RBPJ: variants seen among roughly 807,000 people sequenced by gnomAD.
RBPJ encodes recombining binding protein suppressor of hairless.
RBPJ carries 9 observed loss-of-function variants against 67.8 expected under a neutral mutation model. The ratio of observed to expected loss-of-function variants is 0.13; its 90% confidence interval spans 0.08 to 0.23. RBPJ has a LOEUF of 0.23. Ranked by LOEUF, RBPJ falls within the 10% of genes least tolerant of loss-of-function variation. RBPJ has a pLI of 1.00. For synonymous variants in RBPJ, 198 were observed against 203.3 expected (o/e 0.97, Z 0.22); for missense variants, 305 against 595.6 (o/e 0.51, Z 5.08).
intron 1 of RBPJ, among the ~76,000 whole-genome samples, chr4:26,307,879 A>G (rs1722288225): frequency 6.6e-6 from 1 of 152,254 alleles, no homozygotes; most frequent in Non-Finnish European, 1.5e-5. Flanking sequence ...ATAGGATGCT[A>G]ATCATGACAG....
At chr4:26,331,041 G>A (rs1048519717) in intron 1 of RBPJ, among the ~76,000 whole-genome samples, 2 of 152,138 alleles carry the variant, frequency 1.3e-5, no homozygotes, top group African/African-American at 2.4e-5. Context: ...GTTAGATAAT[G>A]GCTGAGACAC....
Position 26,234,435 on chromosome 4 carries a change from G to C in RBPJ, c.-167+70821G>C, listed in dbSNP as rs372821329. On this transcript the variant is annotated intron_variant, in intron 1 of 4. Transcript: ENST00000512351. ...TAAACATATAAGCCTGAAAGAACCA[G>C]AGAATGATTCCGTAGTAATACTAAA... 2.0e-5 allele frequency among the ~76,000 whole-genome samples: 3 copies of C among 152,106 alleles called. 1 individual carries two copies. The East Asian group carries it at 5.8e-4, about 29-fold the overall frequency.
chr4:26,423,769 T>C (rs1284670182), intron 5 of RBPJ, among the ~76,000 whole-genome samples: 2 of 152,230 alleles, frequency 1.3e-5, no homozygotes, highest in Admixed American at 1.3e-4. Context: ...CAATACTTTA[T>C]TTAGAAGAAA....
At chr4:26,394,380 A>G (rs1051575761) in intron 2 of RBPJ, among the ~76,000 whole-genome samples, 9 of 152,040 alleles carry the variant, frequency 5.9e-5, no homozygotes, top group South Asian at 4.2e-4. Flanking sequence ...GATGTATATG[A>G]TAGGAATAGA....
At chr4:26,171,583 A>C (rs1297528241) in intron 1 of RBPJ, among the ~76,000 whole-genome samples, 2 of 152,198 alleles carry the variant, frequency 1.3e-5, no homozygotes, top group Non-Finnish European at 2.9e-5. Context: ...AGAAATGTAT[A>C]GTTAGCATAA....
intron 1 of RBPJ, among the ~76,000 whole-genome samples, chr4:26,291,331 T>G (rs1191793879): frequency 6.7e-6 from 1 of 148,946 alleles, no homozygotes; most frequent in African/African-American, 2.5e-5. Context: ...TTAATTTTCA[T>G]GGCATAGAGA....
At chr4:26,251,847 C>CAAAAAAA (rs769291407) in intron 1 of RBPJ, among the ~76,000 whole-genome samples, 5 of 49,458 alleles carry the variant, frequency 1.0e-4, no homozygotes, top group Non-Finnish European at 1.4e-4. Flanking sequence ...GACTCCGTCT[C>CAAAAAAA]AAAAAAAAAA....
chr4:26,267,334 C>T (rs1720736115), intron 1 of RBPJ, among the ~76,000 whole-genome samples: 1 of 152,064 alleles, frequency 6.6e-6, no homozygotes, highest in African/African-American at 2.4e-5. Flanking sequence ...AACAGACTCC[C>T]AATTTAGGAA....
At chr4:26,252,225 C>T (rs73245745) in intron 1 of RBPJ, among the ~76,000 whole-genome samples, 14,512 of 151,906 alleles carry the variant, frequency 0.096, 957 homozygotes, top group Middle Eastern at 0.17. Flanking sequence ...CATCATCCAC[C>T]GCCCTCCCAC....
chr4:26,299,264 A>G (rs1020700552), intron 1 of RBPJ, among the ~76,000 whole-genome samples: 1 of 152,234 alleles, frequency 6.6e-6, no homozygotes, highest in African/African-American at 2.4e-5. Context: ...TGGTTTACAA[A>G]TTCATCAACT....
chr4:26,146,446 G>A, the RBPJ span, among the ~76,000 whole-genome samples: 2 of 152,166 alleles, frequency 1.3e-5, no homozygotes, highest in African/African-American at 4.8e-5. Context: ...ACATTTAGAA[G>A]TCAGTACAGG....
At chr4:26,413,046 C>T (rs2109774608) in intron 3 of RBPJ, 1 of 152,402 alleles carries the variant, frequency 6.6e-6, no homozygotes, top group East Asian at 1.9e-4. Context: ...TGTGAGAGGA[C>T]TACAGAGACT....
intron 1 of RBPJ, among the ~76,000 whole-genome samples, chr4:26,168,119 T>G (rs1716393115): frequency 6.6e-6 from 1 of 152,134 alleles, no homozygotes; most frequent in Admixed American, 6.6e-5. Flanking sequence ...GTCATTATGA[T>G]GTTAGCTGGT....
intron 1 of RBPJ, among the ~76,000 whole-genome samples, chr4:26,182,267 G>A (rs1477780044): frequency 6.6e-6 from 1 of 151,898 alleles, no homozygotes; most frequent in African/African-American, 2.4e-5. Flanking sequence ...GCGTGAACCC[G>A]GGAGGCGGAG....
At chr4:26,210,727 C>CCTTCTTTCCTTCTTTCTTTCCTTCTTTA (rs55806116) in intron 1 of RBPJ, among the ~76,000 whole-genome samples, 17 of 61,836 alleles carry the variant, frequency 2.7e-4, no homozygotes, top group East Asian at 9.2e-4. Context: ...TTCTTTCTTT[C>CCTTCTTTCCTTCTTTCTTTCCTTCTTTA]CTTCTTTACT....
chr4:26,152,166 A>G, the RBPJ span, among the ~76,000 whole-genome samples: 1 of 151,998 alleles, frequency 6.6e-6, no homozygotes, highest in Admixed American at 6.6e-5. Context: ...TCAATACCCC[A>G]CTCTGGAGGA....
the RBPJ span, among the ~76,000 whole-genome samples, chr4:26,135,132 T>A: frequency 1.3e-5 from 2 of 152,090 alleles, no homozygotes; most frequent in African/African-American, 2.4e-5. Context: ...GGATCTGTGG[T>A]CCTATTCACC....
chr4:26,389,100 G>A (rs988036344), intron 2 of RBPJ, among the ~76,000 whole-genome samples: 1 of 151,804 alleles, frequency 6.6e-6, no homozygotes, highest in African/African-American at 2.4e-5. Context: ...GTTGTGGCAC[G>A]TGCCTGTAGT....
chr4:26,135,760 C>T, the RBPJ span, among the ~76,000 whole-genome samples: 2 of 152,262 alleles, frequency 1.3e-5, no homozygotes, highest in East Asian at 1.9e-4. Flanking sequence ...CTTCACAGCT[C>T]GCCTGGGAAG....
Sources: allele counts gnomAD v4.1 joint callset (sites outside exome capture counted in the v4.1 genomes callset), GRCh38; gene constraint gnomAD v4.1.1; transcripts MANE v1.5; gene names NCBI Gene and HGNC (gene_info 2026-07-23, HGNC 2026-07-21).